Variants in GRIK2 observed in about 807,000 individuals in gnomAD.
GRIK2 encodes glutamate receptor ionotropic, kainate 2.
A neutral mutation model predicts 100.3 loss-of-function variants in GRIK2; 32 were observed. That is an observed-to-expected ratio of 0.32 (90% CI 0.24 to 0.43). The LOEUF (loss-of-function observed/expected upper bound fraction) is 0.43. Among genes scored for constraint, GRIK2 ranks in the 20% least tolerant of loss-of-function variants. The pLI, the probability that GRIK2 is intolerant of heterozygous loss-of-function variation, is 1.00. For synonymous variants in GRIK2, 417 were observed against 389.4 expected (o/e 1.07, Z -0.83); for missense variants, 843 against 1,114.9 (o/e 0.76, Z 3.47).
chr6:101,859,441 A>G lies in GRIK2; in HGVS notation c.1472A>G (p.Gln491Arg), dbSNP rs1383620420. 4 of 1,610,658 alleles carry G rather than the reference A, an allele frequency of 2.5e-6. No homozygotes were observed. Among genetic ancestry groups the G allele is most frequent in the South Asian group, 2.2e-5 (2 of 91,036 alleles). The stretch of plus-strand genomic sequence containing the variant: ...GTGGAAGATGGGAAATATGGAGCCC[A>G]GGATGATGCCAATGGACAATGGAAT... ...RLVEDGKYGA[Q>R]DDANGQWNGM... Residue 491 changes from glutamine (Q) to arginine (R), a missense_variant, in exon 11 of 17, where the codon CAG becomes CGG. By Grantham distance (43) the Gln-to-Arg change is conservative. Coordinates refer to ENST00000369134, the MANE Select transcript of GRIK2 (RefSeq NM_021956.5).
intron 12 of GRIK2, 83 bp from the exon 13 acceptor site, chr6:101,924,518 G>T: frequency 2.6e-6 from 2 of 755,608 alleles, no homozygotes; most frequent in South Asian, 1.6e-5. Flanking sequence ...CTGTCTTTTT[G>T]TTTCTTTTGC....
intron 14 of GRIK2, among the ~76,000 whole-genome samples, chr6:102,017,806 C>G (rs942590166): frequency 5.9e-5 from 9 of 152,212 alleles, no homozygotes; most frequent in Middle Eastern, 3.4e-3. Context: ...TCAGGTGTGT[C>G]CCGTCTACTA....
intron 7 of GRIK2, among the ~76,000 whole-genome samples, chr6:101,751,738 T>C (rs1003888592): frequency 1.3e-5 from 2 of 152,234 alleles, no homozygotes; most frequent in African/African-American, 4.8e-5. Context: ...TCATCTGTCC[T>C]CTATATTTTC....
At chr6:101,746,871 G>T (rs1386828862) in intron 7 of GRIK2, among the ~76,000 whole-genome samples, 1 of 152,066 alleles carries the variant, frequency 6.6e-6, no homozygotes, top group Non-Finnish European at 1.5e-5. Context: ...AGTTATGGGA[G>T]GACAAAGGTA....
chr6:101,899,911 C>T (rs926610598), intron 12 of GRIK2, among the ~76,000 whole-genome samples: 1 of 151,864 alleles, frequency 6.6e-6, no homozygotes, highest in African/African-American at 2.4e-5. Context: ...AGGTGTATTT[C>T]AGTATAAGTT....
chr6:101,551,893 T>C (rs1245935308), intron 2 of GRIK2, among the ~76,000 whole-genome samples: 2 of 152,218 alleles, frequency 1.3e-5, no homozygotes, highest in East Asian at 1.9e-4. Context: ...CTTCCTGATA[T>C]GGTGGCAATA....
chr6:101,783,079 C>A (rs186102953), intron 7 of GRIK2, among the ~76,000 whole-genome samples: 1 of 151,882 alleles, frequency 6.6e-6, no homozygotes, highest in Non-Finnish European at 1.5e-5. Context: ...AGGATGGTCT[C>A]GATCTCCTGA....
intron 2 of GRIK2, among the ~76,000 whole-genome samples, chr6:101,571,793 G>A (rs1777546004): frequency 6.6e-6 from 1 of 151,812 alleles, no homozygotes; most frequent in Admixed American, 6.6e-5. Context: ...GTATTAAAAG[G>A]GAATAATTAA....
chr6:101,415,661 C>T (rs1426540292), intron 2 of GRIK2, among the ~76,000 whole-genome samples: 1 of 151,826 alleles, frequency 6.6e-6, no homozygotes, highest in Admixed American at 6.6e-5. Flanking sequence ...TGAGCCACCG[C>T]GCCCGGCCGT....
chr6:101,950,285 G>C (rs777289753), intron 14 of GRIK2, among the ~76,000 whole-genome samples: 1 of 151,712 alleles, frequency 6.6e-6, no homozygotes, highest in Non-Finnish European at 1.5e-5. Flanking sequence ...TTGTTTTTTG[G>C]ACCAATTTTT....
At chr6:101,872,255 A>G (rs1785475657) in intron 11 of GRIK2, among the ~76,000 whole-genome samples, 1 of 151,948 alleles carries the variant, frequency 6.6e-6, no homozygotes, top group Non-Finnish European at 1.5e-5. Context: ...TCACAGTGCT[A>G]TAAAGAACTG....
chr6:101,682,498 T>C, intron 5 of GRIK2, 55 bp from the exon 6 acceptor site: 1 of 786,858 alleles, frequency 1.3e-6, no homozygotes, highest in Non-Finnish European at 2.3e-6. Flanking sequence ...CTTGAATTAC[T>C]GACATACTGT....
chr6:102,002,029 G>T (rs1794968344), intron 14 of GRIK2, among the ~76,000 whole-genome samples: 1 of 151,452 alleles, frequency 6.6e-6, no homozygotes, highest in Non-Finnish European at 1.5e-5. Flanking sequence ...AAAAAAAAGT[G>T]AACTTATCTT....
intron 14 of GRIK2, among the ~76,000 whole-genome samples, chr6:102,020,439 T>TAA (rs1296801516): frequency 6.6e-6 from 1 of 151,742 alleles, no homozygotes; most frequent in Non-Finnish European, 1.5e-5. Flanking sequence ...GAAAAATTAG[T>TAA]AAAAGGAAAC....
At chr6:101,561,802 CA>C (rs1299324497) in intron 2 of GRIK2, among the ~76,000 whole-genome samples, 1 of 152,040 alleles carries the variant, frequency 6.6e-6, no homozygotes, top group African/African-American at 2.4e-5. Context: ...GAATTCAAGA[CA>C]AAAATATTTT....
intron 2 of GRIK2, among the ~76,000 whole-genome samples, chr6:101,519,777 G>A (rs1774779840): frequency 6.6e-6 from 1 of 152,074 alleles, no homozygotes; most frequent in South Asian, 2.1e-4. Flanking sequence ...TGTAAATTCT[G>A]AACTTCTCTT....
chr6:101,580,065 A>G (rs1214450740), intron 2 of GRIK2, among the ~76,000 whole-genome samples: 1 of 151,916 alleles, frequency 6.6e-6, no homozygotes, highest in Admixed American at 6.6e-5. Context: ...TTATTCTACA[A>G]CTTTTTTTCT....
At chr6:101,843,442 C>T (rs1054210946) in intron 10 of GRIK2, among the ~76,000 whole-genome samples, 22 of 152,274 alleles carry the variant, frequency 1.4e-4, no homozygotes, top group Admixed American at 6.5e-5. Context: ...TTTCCATCTA[C>T]GCCACTTCTT....
chr6:101,639,831 G>A (rs1305549272), intron 4 of GRIK2, among the ~76,000 whole-genome samples: 1 of 152,136 alleles, frequency 6.6e-6, no homozygotes, highest in Non-Finnish European at 1.5e-5. Flanking sequence ...AGTTAGAAGT[G>A]GAACAGTATC....
Sources: allele counts gnomAD v4.1 joint callset (sites outside exome capture counted in the v4.1 genomes callset), GRCh38; gene constraint gnomAD v4.1.1; transcripts MANE v1.5; gene names NCBI Gene and HGNC (gene_info 2026-07-23, HGNC 2026-07-21).